Variants in GPAM observed in about 807,000 individuals in gnomAD.
GPAM encodes glycerol-3-phosphate acyltransferase 1, mitochondrial.
Under a neutral mutation model 105.0 loss-of-function variants are expected in GPAM, and 56 were observed. The ratio of observed to expected loss-of-function variants is 0.53; its 90% confidence interval spans 0.43 to 0.67. The LOEUF is 0.67. Ranked by LOEUF, GPAM falls within the 30% of genes least tolerant of loss-of-function variation. GPAM has a pLI of 0.00. For synonymous variants in GPAM, 368 were observed against 354.4 expected (o/e 1.04, Z -0.43); for missense variants, 855 against 989.8 (o/e 0.86, Z 1.83).
intron 12 of GPAM, 81 bp downstream of exon 12, chr10:112,166,321 A>G: frequency 6.3e-6 from 5 of 794,294 alleles, no homozygotes; most frequent in Non-Finnish European, 1.2e-5. Context: ...TCACACAGAG[A>G]GGTGCTGTTA....
upstream of GPAM, among the ~76,000 whole-genome samples, chr10:112,187,241 AT>A (rs1847606738): frequency 2.0e-5 from 3 of 152,294 alleles, no homozygotes; most frequent in African/African-American, 7.2e-5. Flanking sequence ...ATTTAAGCTC[AT>A]ATAAGTAATC....
Position 112,151,837 on chromosome 10 carries a change from T to C in GPAM, c.*1713A>G. 1 of 985,232 alleles carries C rather than the reference T, an allele frequency of 1.0e-6. No individual in the cohort carries two copies. Among genetic ancestry groups the C allele is most frequent in the Non-Finnish European group, 1.2e-6 (1 of 829,746 alleles). 61.0% of individuals were successfully genotyped at this position (985,232 alleles called of 1,614,324 possible). A position where few individuals can be genotyped will look rare whatever the true frequency, so the allele number is the denominator to read the frequency against. ...CAAATGTAGCCAAGAAAAGTGTTCT[T>C]CTACCCTAGTCAGTAAAATGGAATG... is the stretch of plus-strand genomic sequence containing the variant. On this transcript the variant is annotated 3_prime_UTR_variant, in exon 22 of 22. Transcript: ENST00000348367.
intron 1 of GPAM, chr10:112,214,223 GAC>G (rs1847944441): frequency 6.6e-6 from 1 of 152,228 alleles, no homozygotes; most frequent in Non-Finnish European, 1.5e-5. Context: ...AATAAAGACA[GAC>G]ACAAAGAGTG....
At position 112,180,601 on chromosome 10, in the gene GPAM, A is replaced by C. The variant is rs564917615; in HGVS notation, c.103-6T>G. On this transcript the variant is annotated splice_polypyrimidine_tract_variant and splice_region_variant and intron_variant, in intron 3 of 21. Coordinates refer to ENST00000348367, the MANE Select transcript of GPAM (RefSeq NM_001244949.2). ...GGTCTAAAGCCACACTCACCCTGAC[A>C]AATATTAAGAAAAAAATATAGTTTC... The C allele has an allele frequency of 4.4e-6, 7 of 1,604,618 alleles. No individual in the cohort carries two copies. In the East Asian group the frequency reaches 1.6e-4, roughly 36 times the overall value.
intron 1 of GPAM, among the ~76,000 whole-genome samples, chr10:112,194,908 T>C (rs186280261): frequency 2.8e-4 from 42 of 152,278 alleles, no homozygotes; most frequent in African/African-American, 9.1e-4. Flanking sequence ...CTGCATCCAA[T>C]AGAACATTAA....
Position 112,153,377 on chromosome 10 carries a change from G to A in GPAM, c.*173C>T. 4 of 1,557,972 alleles carry A rather than the reference G, an allele frequency of 2.6e-6. No individual in the cohort carries two copies. The highest frequency in any genetic ancestry group is 2.6e-6 in the Non-Finnish European group (3 of 1,158,184). On this transcript the variant is annotated 3_prime_UTR_variant, in exon 22 of 22. Coordinates refer to ENST00000348367, the MANE Select transcript of GPAM (RefSeq NM_001244949.2). ...ATCTGCAGGCTGCTGTGTTGATGCA[G>A]AGCTGGGAAGATCACAGATCCATGG... is the stretch of plus-strand genomic sequence containing the variant.
intron 1 of GPAM, among the ~76,000 whole-genome samples, chr10:112,213,091 T>G (rs1389878764): frequency 6.6e-6 from 1 of 152,214 alleles, no homozygotes; most frequent in Non-Finnish European, 1.5e-5. Flanking sequence ...GCTCACAGCT[T>G]GGGACATGGT....
At position 112,183,141 on chromosome 10, in the gene GPAM, AT is replaced by A. The variant is rs1196639677; in HGVS notation, c.-127-251del. On this transcript the variant is annotated intron_variant, in intron 1 of 21. Transcript: ENST00000348367. ...TCTTCCACTGCTTACCATCTGTGTG[AT>A]TTTTTATTACCATAAGTTGGTTAAC... Among the ~76,000 whole-genome samples, 6 of 152,322 alleles carry A rather than the reference AT, an allele frequency of 3.9e-5. No homozygotes were observed. The East Asian group carries it at 1.2e-3, about 29-fold the overall frequency.
At chr10:112,207,667 G>A (rs545619127) in intron 1 of GPAM, among the ~76,000 whole-genome samples, 100 of 152,264 alleles carry the variant, frequency 6.6e-4, no homozygotes, top group Admixed American at 2.9e-3. Flanking sequence ...TATATTGTTC[G>A]CATTATCATT....
chr10:112,173,802 C>A lies in GPAM; in HGVS notation c.457G>T (p.Asp153Tyr). ...TTTGATTGCTGCTGGGCAGAACCAT[C>A]AGGGTTTAATTCAGCAGCCACTTCT... is the stretch of plus-strand genomic sequence containing the variant. Reference protein sequence around the residue: ...IAEVAAELNPDGSAQQQSKAV... With the variant: ...IAEVAAELNPYGSAQQQSKAV... The change falls in exon 7 of 22, where the codon GAT becomes TAT. Residue 153 changes from aspartate to tyrosine, a missense_variant. Transcript: ENST00000348367. 6.2e-7 allele frequency: 1 copy of A among 1,613,154 alleles called. No homozygotes were observed. The highest frequency in any genetic ancestry group is 8.5e-7 in the Non-Finnish European group (1 of 1,179,178).
the GPAM span, among the ~76,000 whole-genome samples, chr10:112,223,742 G>A: frequency 6.6e-6 from 1 of 152,180 alleles, no homozygotes; most frequent in Non-Finnish European, 1.5e-5. Context: ...GGCTATATGG[G>A]TCATACAGTC....
chr10:112,171,642 G>A (rs1031503241), intron 9 of GPAM, among the ~76,000 whole-genome samples: 2 of 152,004 alleles, frequency 1.3e-5, no homozygotes, highest in Non-Finnish European at 2.9e-5. Flanking sequence ...GTATCTCTCC[G>A]CATTTGCACA....
chr10:112,192,261 C>G (rs1412065648), intron 1 of GPAM, among the ~76,000 whole-genome samples: 1 of 152,180 alleles, frequency 6.6e-6, no homozygotes, highest in Non-Finnish European at 1.5e-5. Context: ...CTGCTAAGTG[C>G]TGAAGACACA....
chr10:112,224,584 G>C, the GPAM span, among the ~76,000 whole-genome samples: 1 of 152,048 alleles, frequency 6.6e-6, no homozygotes, highest in African/African-American at 2.4e-5. Flanking sequence ...GGGAAACACC[G>C]TGTTCCCCTG....
intron 1 of GPAM, among the ~76,000 whole-genome samples, chr10:112,195,852 C>T (rs1564688510): frequency 6.6e-6 from 1 of 152,224 alleles, no homozygotes; most frequent in Non-Finnish European, 1.5e-5. Flanking sequence ...GGAATAGAAA[C>T]ATTCAAGGAG....
Position 112,151,258 on chromosome 10 carries a change from A to T in GPAM, c.*2292T>A, listed in dbSNP as rs1194592500. On this transcript the variant is annotated 3_prime_UTR_variant, in exon 22 of 22. Transcript: ENST00000348367. ...TATGTGGAAGCCATCACTGTTGGAAAACAATGAGAATGTATCTTTTAGCAA... is the reference window on the plus strand; with the variant it reads ...TATGTGGAAGCCATCACTGTTGGAATACAATGAGAATGTATCTTTTAGCAA... 1 of 985,690 alleles carries T rather than the reference A, an allele frequency of 1.0e-6. No homozygotes were observed. The highest frequency in any genetic ancestry group is 1.7e-5 in the African/African-American group (1 of 57,238). The allele number at this position is 985,690 out of a possible 1,614,324, so 61.1% of individuals were successfully genotyped here.
At chr10:112,175,781 A>T (rs1847392964) in intron 5 of GPAM, 68 bp from the exon 6 acceptor site, 1 of 962,556 alleles carries the variant, frequency 1.0e-6, no homozygotes, top group African/African-American at 1.6e-5. Flanking sequence ...ATCATAAACT[A>T]ATTTTCCGCC....
Position 112,150,188 on chromosome 10 carries a change from A to C in GPAM, c.*3362T>G, listed in dbSNP as rs1298194409. 4 of 985,104 alleles carry C rather than the reference A, an allele frequency of 4.1e-6. No individual in the cohort carries two copies. In the East Asian group the frequency reaches 4.5e-4, roughly 112 times the overall value. 61.0% of individuals were successfully genotyped at this position (985,104 alleles called of 1,614,324 possible). ...GTCTCAGGTTTCTAAAATAGTTTTA[A>C]AAAACAGGTTTACAGCCCATAGTAA... is the stretch of plus-strand genomic sequence containing the variant. On this transcript the variant is annotated 3_prime_UTR_variant, in exon 22 of 22. Transcript: ENST00000348367.
upstream of GPAM, among the ~76,000 whole-genome samples, chr10:112,216,494 C>T (rs940208969): frequency 8.5e-5 from 13 of 152,152 alleles, no homozygotes; most frequent in South Asian, 2.1e-4. Flanking sequence ...AGACAGGAAG[C>T]GGATCCAAGT....
Sources: gnomAD v4.1 joint callset for allele counts (sites outside exome capture counted in the v4.1 genomes callset) on GRCh38, gnomAD v4.1.1 for gene constraint, MANE v1.5 for transcripts, NCBI Gene and HGNC (gene_info 2026-07-23, HGNC 2026-07-21) for gene names.